GREB1: variants seen among roughly 807,000 people sequenced by gnomAD.
The protein encoded by GREB1 is protein GREB1.
A neutral mutation model predicts 200.7 loss-of-function variants in GREB1; 106 were observed. The observed-to-expected ratio is 0.53, with a 90% CI of 0.45 to 0.62. The LOEUF (loss-of-function observed/expected upper bound fraction) is 0.62, where lower values mean the gene tolerates loss of function less well. Among genes scored for constraint, GREB1 ranks in the 20% least tolerant of loss-of-function variants. The probability of loss-of-function intolerance (pLI) is 0.00; values close to 1 mark genes in which losing one functional copy is unlikely to be tolerated. For missense variants in GREB1, 2,243 were observed against 2,556.8 expected (o/e 0.88, Z 2.65); for synonymous variants, 1,132 against 1,092.4 (o/e 1.04, Z -0.72).
chr2:11,613,115 G>A (rs1172994392), intron 19 of GREB1, among the ~76,000 whole-genome samples: 1 of 152,180 alleles, frequency 6.6e-6, no homozygotes, highest in Non-Finnish European at 1.5e-5. Flanking sequence ...GCACAGAGTG[G>A]ACTGTCTCAA....
At chr2:11,616,105 G>T (rs1683377960) in intron 20 of GREB1, among the ~76,000 whole-genome samples, 1 of 152,204 alleles carries the variant, frequency 6.6e-6, no homozygotes, top group Admixed American at 6.5e-5. Context: ...GGCATCTCAG[G>T]ACCCCCTTCT....
chr2:11,573,509 T>A (rs1171472333), intron 4 of GREB1, among the ~76,000 whole-genome samples: 3 of 152,184 alleles, frequency 2.0e-5, no homozygotes, highest in African/African-American at 7.2e-5. Flanking sequence ...GGCTCATTAT[T>A]TTCCTCTTTC....
intron 1 of GREB1, among the ~76,000 whole-genome samples, chr2:11,484,251 T>C (rs778982383): frequency 1.3e-5 from 2 of 152,212 alleles, no homozygotes; most frequent in Non-Finnish European, 2.9e-5. Flanking sequence ...CTCAGAAAAG[T>C]ATGTTTCTAG....
chr2:11,608,886 C>T (rs920168303), intron 17 of GREB1, among the ~76,000 whole-genome samples: 13 of 152,172 alleles, frequency 8.5e-5, no homozygotes, highest in Non-Finnish European at 1.8e-4. Context: ...GGTACTTTGC[C>T]CTGTGATCTC....
rs1271599533 is a variant in GREB1, at chr2:11,597,106, A to G, written c.1955-675A>G. Among the ~76,000 whole-genome samples the G allele has an allele frequency of 1.3e-5, 2 of 151,934 alleles. No individual in the cohort carries two copies. Among genetic ancestry groups the G allele is most frequent in the Non-Finnish European group, 1.5e-5 (1 of 67,916 alleles). On this transcript the variant is annotated intron_variant, in intron 13 of 32. Transcript: ENST00000381486. The surrounding 1 kb of genome is among the most constrained non-coding windows in gnomAD (Gnocchi z 4.1). ...TGGGTGCTGAGGGGACAGAGGGCTC[A>G]TGTGTGCTCGGTGGGCGATGAGAGG...
chr2:11,585,479 C>T (rs1030195373), intron 8 of GREB1, among the ~76,000 whole-genome samples: 1 of 152,156 alleles, frequency 6.6e-6, no homozygotes, highest in African/African-American at 2.4e-5. Context: ...GTCTAGGATC[C>T]GTGTATGATA....
chr2:11,518,557 C>T (rs960786354), intron 1 of GREB1, among the ~76,000 whole-genome samples: 6 of 151,950 alleles, frequency 3.9e-5, no homozygotes, highest in African/African-American at 1.2e-4. Context: ...GTGGCATGGG[C>T]CTGGTTAATG....
chr2:11,610,857 C>G lies in GREB1; in HGVS notation c.2836C>G (p.His946Asp). 1 of 1,613,368 alleles carries G rather than the reference C, an allele frequency of 6.2e-7. No individual in the cohort carries two copies. The stretch of plus-strand genomic sequence containing the variant: ...CTCCCCGAAGCAGTGCCCCTGCGGC[C>G]ACGGGCTCATGGTCCTGCTGCGGGT... ...LNSPKQCPCG[H>D]GLMVLLRVPC... Residue 946 changes from histidine to aspartate, a missense_variant, in exon 18 of 33, where the codon CAC becomes GAC. Physicochemically the swap from His to Asp is moderately conservative, Grantham distance 81. This residue lies in a region of GREB1 where 1,178 missense variants were observed against 1,387.4 expected (regional missense o/e 0.85). Coordinates refer to ENST00000381486, the MANE Select transcript of GREB1 (RefSeq NM_014668.4).
intron 1 of GREB1, among the ~76,000 whole-genome samples, chr2:11,552,771 G>C (rs1676002932): frequency 6.6e-6 from 1 of 152,090 alleles, no homozygotes; most frequent in Non-Finnish European, 1.5e-5. Flanking sequence ...CAGCACTTTG[G>C]GAGGCCGAGG....
At chr2:11,500,303 A>G (rs902997523) in intron 1 of GREB1, among the ~76,000 whole-genome samples, 29 of 152,198 alleles carry the variant, frequency 1.9e-4, no homozygotes, top group Non-Finnish European at 7.3e-5. Flanking sequence ...CTGGGATTAC[A>G]GGCGTGTGCC....
intron 1 of GREB1, among the ~76,000 whole-genome samples, chr2:11,540,870 C>T (rs1674683379): frequency 6.6e-6 from 1 of 152,256 alleles, no homozygotes; most frequent in Non-Finnish European, 1.5e-5. Flanking sequence ...ACCCCATTCC[C>T]ATCCTTCCTC....
intron 10 of GREB1, among the ~76,000 whole-genome samples, chr2:11,589,372 T>C (rs905238286): frequency 1.3e-5 from 2 of 152,062 alleles, no homozygotes; most frequent in Non-Finnish European, 2.9e-5. Flanking sequence ...GGATTCAGCC[T>C]TGTGATGATC....
Position 11,493,677 on chromosome 2 carries a change from GT to G in GREB1, c.-159+11301del, listed in dbSNP as rs1418266666. Among the ~76,000 whole-genome samples the G allele has an allele frequency of 1.3e-5, 2 of 152,122 alleles. No individual in the cohort carries two copies. The highest frequency in any genetic ancestry group is 2.4e-5 in the African/African-American group (1 of 41,426). On this transcript the variant is annotated intron_variant, in intron 1 of 2. Coordinates refer to the GREB1 transcript ENST00000628795. This position sits in a 1 kb window ranked among gnomAD's most constrained non-coding sequence, Gnocchi z 4.6. Reference sequence around the variant, plus strand: ...TGAGCCAGTATTAATGCAACCTTATGTTTTTGAAGGTTGCATTTTTTTCCCC... The same window carrying G: ...TGAGCCAGTATTAATGCAACCTTATGTTTTGAAGGTTGCATTTTTTTCCCC...
rs188165853 is a variant in GREB1 at position 11,628,966 on chromosome 2, G to A, written c.4450-982G>A. Among the ~76,000 whole-genome samples the A allele has an allele frequency of 1.3e-3, 203 of 152,332 alleles. 1 individual carries two copies. Among genetic ancestry groups the A allele is most frequent in the African/African-American group, 4.6e-3 (193 of 41,570 alleles). ...CCTGGCTGCCCTCTCCATGTGGCCT[G>A]CACCTGCTCGTTCTGTTTTCTCTTC... On this transcript the variant is annotated intron_variant, in intron 25 of 32. Transcript: ENST00000381486.
chr2:11,636,387 T>C (rs1289261155), intron 30 of GREB1, among the ~76,000 whole-genome samples: 1 of 152,202 alleles, frequency 6.6e-6, no homozygotes, highest in Non-Finnish European at 1.5e-5. Context: ...ATCTTTATTA[T>C]TGAAACATAA....
chr2:11,602,531 A>G lies in GREB1; in HGVS notation c.2655A>G (p.Ala885=), dbSNP rs1681874704. The G allele has an allele frequency of 3.1e-6, 5 of 1,613,986 alleles. No homozygotes were observed. The East Asian group carries it at 1.1e-4, about 36-fold the overall frequency. ...GCTCCTTTGAGGCCATGGTCACTGC[A>G]TTAGGAAAAAGGTACTTGTTTCTCT... is the stretch of plus-strand genomic sequence containing the variant. ...YDSSFEAMVT[A]LGKRFPRLHS... Residue 885 remains alanine, a synonymous_variant, in exon 17 of 33, where the codon GCA becomes GCG. Coordinates refer to ENST00000381486, the MANE Select transcript of GREB1 (RefSeq NM_014668.4).
At chr2:11,529,601 G>A (rs1453852044), upstream of GREB1, among the ~76,000 whole-genome samples, 2 of 152,202 alleles carry the variant, frequency 1.3e-5, no homozygotes, top group Non-Finnish European at 2.9e-5. Flanking sequence ...TGTGACTTGT[G>A]TGTGTAACAG....
chr2:11,553,495 CAAA>C (rs1349938130), intron 1 of GREB1, among the ~76,000 whole-genome samples: 2 of 151,996 alleles, frequency 1.3e-5, no homozygotes, highest in African/African-American at 2.4e-5. Flanking sequence ...AAAAAACAAA[CAAA>C]CAAAAAACCC....
rs776991492 is a variant in GREB1 at position 11,610,751 on chromosome 2, C to T, written c.2730C>T (p.Ala910=). 3.1e-6 allele frequency: 5 copies of T among 1,613,416 alleles called. No homozygotes were observed. The highest frequency in any genetic ancestry group is 2.2e-5 in the South Asian group (2 of 91,094). Residue 910 remains alanine (A), a synonymous_variant, in exon 18 of 33, where the codon GCC becomes GCT. Coordinates refer to ENST00000381486, the MANE Select transcript of GREB1 (RefSeq NM_014668.4). Reference sequence around the variant, plus strand: ...TTCTCGTGCAGCACTACGCGGCCGCCCTGATGGCCGTAAGCGGCCTCCCGC... The same window carrying T: ...TTCTCGTGCAGCACTACGCGGCCGCTCTGATGGCCGTAAGCGGCCTCCCGC... ...TFVLVQHYAA[A]LMAVSGLPQM... is the part of the protein sequence containing the mutation.
Sources: gnomAD v4.1 joint callset for allele counts (sites outside exome capture counted in the v4.1 genomes callset) on GRCh38, gnomAD v4.1.1 for gene constraint, gnomAD v4.1.1 regional missense constraint, Gnocchi (gnomAD v3.1) non-coding constraint, MANE v1.5 for transcripts, NCBI Gene and HGNC (gene_info 2026-07-23, HGNC 2026-07-21) for gene names.